CCN6: variants seen among roughly 807,000 people sequenced by gnomAD.
CCN6 encodes cellular communication network factor 6, also known as CCN family member 6.
CCN6 carries 31 observed loss-of-function variants against 37.4 expected under a neutral mutation model. That is an observed-to-expected ratio of 0.83 (90% confidence interval 0.62 to 1.12). CCN6 has a LOEUF of 1.12. CCN6 is among the 50% of genes most tolerant of loss of function. The probability of loss-of-function intolerance (pLI) is 0.00; values close to 1 mark genes in which losing one functional copy is unlikely to be tolerated. For synonymous variants in CCN6, 137 were observed against 142.1 expected (o/e 0.96, Z 0.26); for missense variants, 369 against 413.8 (o/e 0.89, Z 0.94).
intron 3 of CCN6, among the ~76,000 whole-genome samples, chr6:112,066,269 T>A (rs1037878033): frequency 8.5e-5 from 13 of 152,196 alleles, no homozygotes; most frequent in Non-Finnish European, 1.9e-4. Context: ...TGTCCTTATT[T>A]TTTTTTTTCA....
At chr6:112,066,166 T>A (rs1336139213) in intron 3 of CCN6, among the ~76,000 whole-genome samples, 1 of 152,080 alleles carries the variant, frequency 6.6e-6, no homozygotes, top group Non-Finnish European at 1.5e-5. Flanking sequence ...AGAAAAAAAA[T>A]TTACTAGGTT....
intron 1 of CCN6, among the ~76,000 whole-genome samples, chr6:112,058,458 CTGG>C (rs1476022411): frequency 2.0e-5 from 3 of 152,192 alleles, no homozygotes; most frequent in Admixed American, 2.0e-4. Context: ...GTGCTAGGTG[CTGG>C]TGGTATACTC....
At chr6:112,058,933 G>A (rs1431360645) in intron 1 of CCN6, among the ~76,000 whole-genome samples, 2 of 152,234 alleles carry the variant, frequency 1.3e-5, no homozygotes, top group East Asian at 3.8e-4. Context: ...TAGTTGAGGA[G>A]CAGTTTGTCA....
intron 3 of CCN6, 117 bp from the exon 4 acceptor site, chr6:112,068,088 T>G (rs1012407149): frequency 1.0e-4 from 91 of 870,474 alleles, no homozygotes; most frequent in Non-Finnish European, 1.5e-4. Flanking sequence ...TCTTTTATTC[T>G]GAGTTATATT....
chr6:112,055,007 A>G (rs1776305082), intron 1 of CCN6: 1 of 159,110 alleles, frequency 6.3e-6, no homozygotes, highest in Admixed American at 5.9e-5. Context: ...TTAACTTACT[A>G]TGAGCAATTC....
chr6:112,069,129 G>A (rs1205401677), intron 4 of CCN6, among the ~76,000 whole-genome samples: 1 of 152,116 alleles, frequency 6.6e-6, no homozygotes, highest in Non-Finnish European at 1.5e-5. Flanking sequence ...AAACATTGAG[G>A]AGTACGTGCT....
intron 1 of CCN6, chr6:112,059,982 C>T (rs782673301): frequency 7.4e-7 from 1 of 1,359,134 alleles, no homozygotes; most frequent in Non-Finnish European, 9.8e-7. Flanking sequence ...GAAATTTGAG[C>T]ACAGACCTAA....
Position 112,069,533 on chromosome 6 carries a change from A to T in CCN6, c.978A>T (p.Lys326Asn). 6.2e-7 allele frequency: 1 copy of T among 1,613,800 alleles called. No homozygotes were observed. The highest frequency in any genetic ancestry group is 8.5e-7 in the Non-Finnish European group (1 of 1,179,818). ...ATTGCCCAAATGAGGGGTCATTTAA[A>T]TGGAAGATGCTGTGGATTACATCTT... ...QFDCPNEGSF[K>N]WKMLWITSCV... Residue 326 changes from lysine to asparagine, a missense_variant, in exon 5 of 5, where the codon AAA becomes AAT. Physicochemically the swap from Lys to Asn is moderately conservative, Grantham distance 94. Transcript: ENST00000368666.
intron 1 of CCN6, 66 bp downstream of exon 1, chr6:112,054,471 A>C (rs1177853419): frequency 6.9e-7 from 1 of 1,453,744 alleles, no homozygotes. Flanking sequence ...TTCAGGCCCA[A>C]AACTAAACAA....
chr6:112,062,903 T>C (rs1478101578), intron 2 of CCN6, among the ~76,000 whole-genome samples: 1 of 152,104 alleles, frequency 6.6e-6, no homozygotes, highest in Non-Finnish European at 1.5e-5. Flanking sequence ...AATGAGGACC[T>C]AAAGAGGTTT....
chr6:112,054,413 C>A lies in CCN6; in HGVS notation c.48+8C>A. 6.2e-7 allele frequency: 1 copy of A among 1,612,994 alleles called. No individual in the cohort carries two copies. The highest frequency in any genetic ancestry group is 8.5e-7 in the Non-Finnish European group (1 of 1,179,688). On this transcript the variant is annotated splice_region_variant and intron_variant, in intron 1 of 4. Coordinates refer to ENST00000368666, the MANE Select transcript of CCN6 (RefSeq NM_198239.2). ...CTTGCTGGCCTGGCACAGGTAAGTC[C>A]TCTCCCCCGACTCTTTCCCTTCCGG...
chr6:112,054,621 AG>A (rs1267183279), intron 1 of CCN6: 11 of 568,636 alleles, frequency 1.9e-5, no homozygotes, highest in Non-Finnish European at 3.2e-5. Context: ...TCTCCCTTTC[AG>A]GTAATGGCAC....
chr6:112,054,725 A>G (rs2673304), intron 1 of CCN6: 7,470 of 356,582 alleles, frequency 0.021, 499 homozygotes, highest in African/African-American at 0.14. Flanking sequence ...AGTGCGGGAA[A>G]CAGTGTCTCT....
chr6:112,054,951 T>A (rs2114426069), intron 1 of CCN6: 1 of 167,662 alleles, frequency 6.0e-6, no homozygotes, highest in South Asian at 1.5e-4. Flanking sequence ...AGGGAAGCAG[T>A]CCATGGAGGC....
At chr6:112,055,628 C>T (rs1005130484) in intron 1 of CCN6, among the ~76,000 whole-genome samples, 2 of 151,180 alleles carry the variant, frequency 1.3e-5, no homozygotes, top group African/African-American at 2.5e-5. Context: ...CTTGCTCTGT[C>T]GTTCCAGGCT....
At chr6:112,059,737 G>A (rs112521035) in intron 1 of CCN6, among the ~76,000 whole-genome samples, 1 of 152,182 alleles carries the variant, frequency 6.6e-6, no homozygotes, top group East Asian at 1.9e-4. Context: ...ACCACTGCAC[G>A]CTGTTGCTAT....
intron 1 of CCN6, among the ~76,000 whole-genome samples, chr6:112,056,541 G>A (rs1430694177): frequency 4.0e-5 from 6 of 151,796 alleles, no homozygotes; most frequent in Non-Finnish European, 7.4e-5. Flanking sequence ...TTTTGAGATG[G>A]AATCACCCTC....
chr6:112,059,923 T>C, intron 1 of CCN6: 1 of 1,315,136 alleles, frequency 7.6e-7, no homozygotes, highest in Non-Finnish European at 1.0e-6. Flanking sequence ...GTGAAAGGAC[T>C]GGGATAGGGT....
In CCN6 at chr6:112,061,221, C is replaced by G; in HGVS notation, c.279C>G (p.Asp93Glu). Residue 93 changes from aspartate (D) to glutamate (E), a missense_variant, in exon 2 of 5, where the codon GAC (aspartate) becomes GAG (glutamate). Asp to Glu is a conservative substitution (Grantham distance 45). Transcript: ENST00000368666. ...GEICNEADLC[D>E]PHKGLYCDYS... is the part of the protein sequence containing the mutation. Reference sequence around the variant, plus strand: ...TCTGCAATGAAGCTGACCTCTGTGACCCACACAAAGGGCTGTATTGTGACT... The same window carrying G: ...TCTGCAATGAAGCTGACCTCTGTGAGCCACACAAAGGGCTGTATTGTGACT... The G allele has an allele frequency of 1.2e-6, 2 of 1,614,148 alleles. No individual in the cohort carries two copies. The highest frequency in any genetic ancestry group is 3.3e-5 in the Admixed American group (2 of 60,014).
Sources: gnomAD v4.1 joint callset for allele counts (sites outside exome capture counted in the v4.1 genomes callset) on GRCh38, gnomAD v4.1.1 for gene constraint, MANE v1.5 for transcripts, NCBI Gene and HGNC (gene_info 2026-07-23, HGNC 2026-07-21) for gene names.